FHIT: variants seen among roughly 807,000 people sequenced by gnomAD.
FHIT encodes the protein fragile histidine triad diadenosine triphosphatase, also known as bis(5'-adenosyl)-triphosphatase.
Under a neutral mutation model 17.9 loss-of-function variants are expected in FHIT, and 19 were observed. That is an observed-to-expected ratio of 1.06 (90% confidence interval 0.74 to 1.56). The LOEUF is 1.56. Among genes scored for constraint, FHIT ranks in the 40% most tolerant of loss-of-function variants. FHIT has a pLI of 0.00. For synonymous variants in FHIT, 81 were observed against 69.7 expected (o/e 1.16, Z -0.81); for missense variants, 248 against 189.2 (o/e 1.31, Z -1.82).
intron 5 of FHIT, among the ~76,000 whole-genome samples, chr3:60,349,956 A>G (rs1323016042): frequency 6.6e-6 from 1 of 152,182 alleles, no homozygotes; most frequent in East Asian, 1.9e-4. Flanking sequence ...TCTCTTGTCT[A>G]TCTGGCTGGA....
At chr3:60,441,275 A>C (rs2030774386) in intron 5 of FHIT, among the ~76,000 whole-genome samples, 1 of 152,202 alleles carries the variant, frequency 6.6e-6, no homozygotes, top group South Asian at 2.1e-4. Context: ...ACTACCAGTA[A>C]GTTTGACCAT....
intron 3 of FHIT, among the ~76,000 whole-genome samples, chr3:60,918,264 T>C (rs1488578014): frequency 3.9e-5 from 6 of 152,236 alleles, no homozygotes; most frequent in African/African-American, 9.6e-5. Flanking sequence ...CAGTCTTTAC[T>C]AGCAGTGTGA....
Position 60,093,538 on chromosome 3 carries a change from C to T in FHIT, c.104-79386G>A, listed in dbSNP as rs571745644. Among the ~76,000 whole-genome samples, 8 of 152,272 alleles carry T rather than the reference C, an allele frequency of 5.3e-5. No homozygotes were observed. The East Asian group carries it at 5.8e-4, about 11-fold the overall frequency. ...ACACAGCCACAGTTTCTGGGGATTA[C>T]GACATGGAGGTCTTTGGTAGGAGGG... On this transcript the variant is annotated intron_variant, in intron 5 of 9. Transcript: ENST00000492590.
At chr3:60,191,201 G>C (rs1273604863) in intron 5 of FHIT, among the ~76,000 whole-genome samples, 9 of 151,966 alleles carry the variant, frequency 5.9e-5, no homozygotes, top group Non-Finnish European at 1.3e-4. Flanking sequence ...ATACAGCTTT[G>C]GTACCAATGC....
chr3:60,193,155 T>G (rs2107472531), intron 5 of FHIT, among the ~76,000 whole-genome samples: 1 of 152,306 alleles, frequency 6.6e-6, no homozygotes, highest in African/African-American at 2.4e-5. Context: ...TATGAACACT[T>G]AGAATGCACT....
At chr3:60,961,638 T>C (rs1034389936) in intron 3 of FHIT, among the ~76,000 whole-genome samples, 2 of 152,234 alleles carry the variant, frequency 1.3e-5, no homozygotes, top group Non-Finnish European at 2.9e-5. Context: ...GTTTCAGCTT[T>C]CTACATATGG....
intron 5 of FHIT, among the ~76,000 whole-genome samples, chr3:60,370,785 T>C (rs1222894531): frequency 6.6e-6 from 1 of 152,226 alleles, no homozygotes; most frequent in East Asian, 1.9e-4. Context: ...AACTGGTCTC[T>C]TCCCTCCTAT....
In FHIT at chr3:60,582,077, T is replaced by C. The variant is rs564661907; in HGVS notation, c.-17-45098A>G. ...GGTCTGAAGCAGTGATTCTCAACCT[T>C]GGCTGGAGGCTGCACTTTGGAATCA... On this transcript the variant is annotated intron_variant, in intron 4 of 9. Coordinates refer to ENST00000492590, the MANE Select transcript of FHIT (RefSeq NM_002012.4). 2.0e-5 allele frequency among the ~76,000 whole-genome samples: 3 copies of C among 152,174 alleles called. No individual in the cohort carries two copies. The South Asian group carries it at 6.2e-4, about 32-fold the overall frequency.
chr3:61,123,843 G>C (rs578184424), intron 2 of FHIT, among the ~76,000 whole-genome samples: 1 of 152,132 alleles, frequency 6.6e-6, no homozygotes, highest in South Asian at 2.1e-4. Context: ...TCACTGAAAA[G>C]GGAGTTGGGA....
At chr3:60,907,336 C>A (rs1285970550) in intron 3 of FHIT, among the ~76,000 whole-genome samples, 1 of 152,132 alleles carries the variant, frequency 6.6e-6, no homozygotes, top group Non-Finnish European at 1.5e-5. Context: ...TCCACAATCA[C>A]TGGGTCGGAA....
chr3:60,999,322 G>T (rs940404855), intron 3 of FHIT, among the ~76,000 whole-genome samples: 1 of 151,956 alleles, frequency 6.6e-6, no homozygotes, highest in African/African-American at 2.4e-5. Flanking sequence ...GCTGTGTTTG[G>T]TGATGGCTCT....
At chr3:60,748,391 T>C (rs2042399949) in intron 4 of FHIT, among the ~76,000 whole-genome samples, 1 of 152,192 alleles carries the variant, frequency 6.6e-6, no homozygotes, top group African/African-American at 2.4e-5. Flanking sequence ...TATACAGTCT[T>C]GCCTGGGTAT....
intron 5 of FHIT, among the ~76,000 whole-genome samples, chr3:60,456,554 T>C (rs1441165085): frequency 2.6e-5 from 4 of 152,228 alleles, no homozygotes; most frequent in African/African-American, 9.6e-5. Flanking sequence ...GTTTACTGTA[T>C]CATAGCAATT....
chr3:60,384,185 T>A (rs1010622106), intron 5 of FHIT, among the ~76,000 whole-genome samples: 12 of 151,670 alleles, frequency 7.9e-5, no homozygotes, highest in Admixed American at 1.3e-4. Context: ...GGGGAATCAC[T>A]TGAACCCGGG....
chr3:60,489,474 C>T (rs990138307), intron 5 of FHIT, among the ~76,000 whole-genome samples: 3 of 152,110 alleles, frequency 2.0e-5, no homozygotes, highest in Non-Finnish European at 4.4e-5. Flanking sequence ...TAAGACCAAG[C>T]TGGAGTGCTC....
At chr3:60,392,109 T>G (rs1701256524) in intron 5 of FHIT, among the ~76,000 whole-genome samples, 1 of 152,192 alleles carries the variant, frequency 6.6e-6, no homozygotes, top group African/African-American at 2.4e-5. Context: ...ATTTCAAACT[T>G]TTCTTCCATC....
intron 3 of FHIT, among the ~76,000 whole-genome samples, chr3:60,973,042 CT>C (rs960201688): frequency 3.9e-5 from 6 of 152,072 alleles, no homozygotes; most frequent in African/African-American, 1.4e-4. Context: ...GGATCTGTTA[CT>C]TTTGGTTGGT....
chr3:60,972,948 C>T (rs1259748069), intron 3 of FHIT, among the ~76,000 whole-genome samples: 1 of 152,136 alleles, frequency 6.6e-6, no homozygotes, highest in Admixed American at 6.5e-5. Flanking sequence ...GTGAAATTCT[C>T]TGTCTCTTCT....
intron 5 of FHIT, among the ~76,000 whole-genome samples, chr3:60,021,510 GA>G (rs1177638084): frequency 3.9e-5 from 6 of 152,020 alleles, no homozygotes; most frequent in African/African-American, 1.5e-4. Flanking sequence ...ATCATATCTG[GA>G]AAAAAATATG....
Sources: gnomAD v4.1 joint callset for allele counts (sites outside exome capture counted in the v4.1 genomes callset) on GRCh38, gnomAD v4.1.1 for gene constraint, MANE v1.5 for transcripts, NCBI Gene and HGNC (gene_info 2026-07-23, HGNC 2026-07-21) for gene names.